L3MBTL4: variants seen among roughly 807,000 people sequenced by gnomAD.
L3MBTL4 encodes lethal(3)malignant brain tumor-like protein 4.
L3MBTL4 carries 70 observed loss-of-function variants against 84.5 expected under a neutral mutation model. That is an observed-to-expected ratio of 0.83 (90% CI 0.68 to 1.01). L3MBTL4 has a LOEUF of 1.01. L3MBTL4 is among the 50% of genes least tolerant of loss of function. The pLI, the probability that L3MBTL4 is intolerant of heterozygous loss-of-function variation, is 0.00. For missense variants in L3MBTL4, 715 were observed against 754.8 expected (o/e 0.95, Z 0.62); for synonymous variants, 274 against 259.8 (o/e 1.05, Z -0.52).
chr18:6,147,134 T>A (rs1283894659), intron 13 of L3MBTL4, among the ~76,000 whole-genome samples: 3 of 152,204 alleles, frequency 2.0e-5, no homozygotes, highest in Non-Finnish European at 4.4e-5. Context: ...TTACTATCTT[T>A]ACTTTGGACT....
intron 16 of L3MBTL4, among the ~76,000 whole-genome samples, chr18:5,979,192 C>T (rs2053097744): frequency 6.6e-6 from 1 of 152,178 alleles, no homozygotes; most frequent in African/African-American, 2.4e-5. Context: ...CCTCCCTTTT[C>T]TCTGGGAATG....
intron 1 of L3MBTL4, among the ~76,000 whole-genome samples, chr18:6,368,125 C>T (rs2054009272): frequency 6.6e-6 from 1 of 152,022 alleles, no homozygotes. Flanking sequence ...TCAGGCCTCC[C>T]CTCAGCACAG....
chr18:6,256,802 G>A (rs191239768), intron 5 of L3MBTL4: 1 of 152,314 alleles, frequency 6.6e-6, no homozygotes, highest in East Asian at 1.9e-4. Flanking sequence ...AGTGCAGATC[G>A]GGAGACTAAG....
At chr18:6,379,133 T>C (rs976753454) in intron 1 of L3MBTL4, among the ~76,000 whole-genome samples, 1 of 152,200 alleles carries the variant, frequency 6.6e-6, no homozygotes, top group Non-Finnish European at 1.5e-5. Context: ...GTTATTGTTG[T>C]ATAGGAATGC....
Position 6,228,678 on chromosome 18 carries a change from A to C in L3MBTL4, c.784+9286T>G, listed in dbSNP as rs76515697. On this transcript the variant is annotated intron_variant, in intron 10 of 18. Transcript: ENST00000317931. ...GAAATGGCAAAACAAAACCACAGTGAAACACCACCACACACTTACAGAAAA... is the reference window on the plus strand; with the variant it reads ...GAAATGGCAAAACAAAACCACAGTGCAACACCACCACACACTTACAGAAAA... 1.1e-3 allele frequency among the ~76,000 whole-genome samples: 168 copies of C among 152,292 alleles called. 5 individuals are homozygous for C. The East Asian group carries it at 0.03, about 27-fold the overall frequency.
At chr18:6,230,470 T>A (rs2145980406) in intron 10 of L3MBTL4, among the ~76,000 whole-genome samples, 1 of 152,306 alleles carries the variant, frequency 6.6e-6, no homozygotes. Flanking sequence ...AGTTTATTTA[T>A]CCAATCTACC....
chr18:5,987,949 C>T (rs372046559), intron 16 of L3MBTL4, among the ~76,000 whole-genome samples: 7 of 151,454 alleles, frequency 4.6e-5, no homozygotes, highest in African/African-American at 7.3e-5. Context: ...GATCCAGAGA[C>T]GAAGCTCTGC....
chr18:6,375,871 A>C (rs921450435), intron 1 of L3MBTL4, among the ~76,000 whole-genome samples: 9 of 152,164 alleles, frequency 5.9e-5, no homozygotes, highest in Admixed American at 5.2e-4. Context: ...ACTCAACAAG[A>C]AATAGGCAAA....
At chr18:6,157,724 GAT>G (rs1325845048) in intron 13 of L3MBTL4, among the ~76,000 whole-genome samples, 3 of 151,828 alleles carry the variant, frequency 2.0e-5, no homozygotes, top group South Asian at 4.2e-4. Context: ...AATTACAAAG[GAT>G]ATATATATTT....
chr18:6,270,011 G>A (rs150641701), intron 4 of L3MBTL4, among the ~76,000 whole-genome samples: 1 of 152,118 alleles, frequency 6.6e-6, no homozygotes, highest in African/African-American at 2.4e-5. Flanking sequence ...AACCCTTCAT[G>A]GTGATATTTC....
intron 4 of L3MBTL4, among the ~76,000 whole-genome samples, chr18:6,294,703 G>A (rs1008703234): frequency 1.4e-5 from 2 of 146,552 alleles, no homozygotes; most frequent in African/African-American, 5.1e-5. Context: ...ATTGTCTTTT[G>A]CTCAATCAAT....
At chr18:6,223,995 A>C (rs1430353075) in intron 10 of L3MBTL4, among the ~76,000 whole-genome samples, 1 of 152,228 alleles carries the variant, frequency 6.6e-6, no homozygotes, top group East Asian at 1.9e-4. Flanking sequence ...GATTAGCATC[A>C]GTTACCATTT....
chr18:6,373,733 G>A (rs2054254162), intron 1 of L3MBTL4, among the ~76,000 whole-genome samples: 1 of 151,672 alleles, frequency 6.6e-6, no homozygotes, highest in Non-Finnish European at 1.5e-5. Flanking sequence ...TGCAGGCCTT[G>A]CTTTACAAAC....
chr18:6,212,414 T>A (rs1568322765), intron 12 of L3MBTL4, among the ~76,000 whole-genome samples: 1 of 152,218 alleles, frequency 6.6e-6, no homozygotes, highest in Non-Finnish European at 1.5e-5. Flanking sequence ...CAATCTTTAT[T>A]ATTATGAAAA....
chr18:6,333,373 G>A (rs192799962), intron 1 of L3MBTL4, among the ~76,000 whole-genome samples: 15 of 152,220 alleles, frequency 9.9e-5, no homozygotes, highest in African/African-American at 3.6e-4. Flanking sequence ...AAGAGATCGA[G>A]ACCATCCTGG....
chr18:6,271,249 G>A (rs938225366), intron 4 of L3MBTL4, among the ~76,000 whole-genome samples: 1 of 152,138 alleles, frequency 6.6e-6, no homozygotes, highest in African/African-American at 2.4e-5. Flanking sequence ...TGTCCTCTCT[G>A]CAAAAACATG....
intron 13 of L3MBTL4, among the ~76,000 whole-genome samples, chr18:6,156,888 T>C (rs1324727467): frequency 1.3e-5 from 2 of 152,188 alleles, no homozygotes; most frequent in African/African-American, 4.8e-5. Context: ...GTCTTCAAGC[T>C]AGAATGAGAA....
chr18:6,192,411 G>A (rs1324839292), intron 12 of L3MBTL4, among the ~76,000 whole-genome samples: 1 of 152,078 alleles, frequency 6.6e-6, no homozygotes, highest in Non-Finnish European at 1.5e-5. Flanking sequence ...AAATGTGGAA[G>A]GTTCATCCAT....
At chr18:6,285,611 C>G (rs189701996) in intron 4 of L3MBTL4, among the ~76,000 whole-genome samples, 17 of 152,050 alleles carry the variant, frequency 1.1e-4, no homozygotes, top group Middle Eastern at 3.4e-3. Context: ...AGGGCACATA[C>G]CATTGCTCCA....
Sources: gnomAD v4.1 joint callset for allele counts (sites outside exome capture counted in the v4.1 genomes callset) on GRCh38, gnomAD v4.1.1 for gene constraint, MANE v1.5 for transcripts, NCBI Gene and HGNC (gene_info 2026-07-23, HGNC 2026-07-21) for gene names.